Variants in MGST1 observed in about 807,000 individuals in gnomAD.
The protein encoded by MGST1 is glutathione S-transferase 12.
A neutral mutation model predicts 8.9 loss-of-function variants in MGST1; 5 were observed. The observed-to-expected ratio is 0.56, with a 90% CI of 0.29 to 1.19. The LOEUF is 1.19. Among genes scored for constraint, MGST1 ranks in the 50% most tolerant of loss-of-function variants. The pLI, the probability that MGST1 is intolerant of heterozygous loss-of-function variation, is 0.08. For synonymous variants in MGST1, 54 were observed against 67.8 expected (o/e 0.80, Z 1.00); for missense variants, 182 against 187.4 (o/e 0.97, Z 0.17).
intron 1 of MGST1, among the ~76,000 whole-genome samples, chr12:16,393,655 A>G (rs1263822836): frequency 2.0e-5 from 3 of 152,244 alleles, no homozygotes; most frequent in African/African-American, 7.2e-5. Flanking sequence ...TTGAGGAAAG[A>G]AAGTACACTG....
chr12:16,454,449 T>C (rs1240845273), intron 4 of MGST1, among the ~76,000 whole-genome samples: 1 of 151,878 alleles, frequency 6.6e-6, no homozygotes, highest in Non-Finnish European at 1.5e-5. Flanking sequence ...ATACTCTACT[T>C]ATACTATTTC....
intron 1 of MGST1, among the ~76,000 whole-genome samples, chr12:16,426,398 T>C (rs1940889434): frequency 6.6e-6 from 1 of 152,222 alleles, no homozygotes; most frequent in Admixed American, 6.5e-5. Flanking sequence ...ATTTTGATTC[T>C]TCCAGTTGAA....
At chr12:16,524,462 A>G (rs142915236) in intron 4 of MGST1, among the ~76,000 whole-genome samples, 23 of 152,176 alleles carry the variant, frequency 1.5e-4, no homozygotes, top group Non-Finnish European at 2.8e-4. Context: ...ATTGAGCTTA[A>G]CGATGCTGGA....
chr12:16,363,821 T>G lies in MGST1; in HGVS notation c.248T>G (p.Ile83Ser). The G allele has an allele frequency of 1.2e-6, 2 of 1,609,632 alleles. No individual in the cohort carries two copies. Among genetic ancestry groups the G allele is most frequent in the South Asian group, 2.2e-5 (2 of 90,888 alleles). ...RRAHLNDLENIIPFLGIGLLY... is the reference protein window; with the variant it reads ...RRAHLNDLENSIPFLGIGLLY... ...GCCCACCTGAATGACCTTGAAAATA[T>G]TATTCCATTTCTTGGAATTGGCCTC... is the stretch of plus-strand genomic sequence containing the variant. The change falls in exon 4 of 4, where the codon ATT becomes AGT. Residue 83 changes from isoleucine (I) to serine (S), a missense_variant. Physicochemically the swap from Ile to Ser is moderately radical, Grantham distance 142. Transcript: ENST00000396210. This position sits in a 1 kb window ranked among gnomAD's most constrained non-coding sequence, Gnocchi z 4.6.
intron 1 of MGST1, among the ~76,000 whole-genome samples, chr12:16,412,815 A>G (rs1374746118): frequency 6.6e-6 from 1 of 152,110 alleles, no homozygotes; most frequent in African/African-American, 2.4e-5. Context: ...CTTTTTCTTT[A>G]TAGATTACCC....
intron 4 of MGST1, among the ~76,000 whole-genome samples, chr12:16,484,980 T>C (rs990585771): frequency 6.6e-6 from 1 of 152,226 alleles, no homozygotes; most frequent in Admixed American, 6.5e-5. Context: ...TTCAATCCAC[T>C]CTAACCTGAA....
chr12:16,379,044 T>G (rs1565443538), downstream of MGST1, among the ~76,000 whole-genome samples: 1 of 152,122 alleles, frequency 6.6e-6, no homozygotes, highest in Non-Finnish European at 1.5e-5. Flanking sequence ...AAGGAAATTT[T>G]GGGCTGAGGC....
At chr12:16,510,926 G>T (rs2137178823) in intron 4 of MGST1, among the ~76,000 whole-genome samples, 1 of 152,186 alleles carries the variant, frequency 6.6e-6, no homozygotes, top group East Asian at 1.9e-4. Flanking sequence ...TTGTAATGGA[G>T]AATGCTGACA....
chr12:16,464,797 G>T (rs2137128528), intron 4 of MGST1, among the ~76,000 whole-genome samples: 1 of 152,278 alleles, frequency 6.6e-6, no homozygotes, highest in Non-Finnish European at 1.5e-5. Flanking sequence ...ATGCCCTAGG[G>T]CTTCATAGTC....
At chr12:16,404,339 T>A (rs141455704) in intron 1 of MGST1, among the ~76,000 whole-genome samples, 1 of 152,148 alleles carries the variant, frequency 6.6e-6, no homozygotes, top group African/African-American at 2.4e-5. Flanking sequence ...GTGTTAGATC[T>A]ATTTCTAATA....
chr12:16,525,098 T>C (rs1430698608), intron 4 of MGST1, among the ~76,000 whole-genome samples: 1 of 151,972 alleles, frequency 6.6e-6, no homozygotes, highest in African/African-American at 2.4e-5. Context: ...TAGAATAAAT[T>C]GGCCTTCTTT....
intron 4 of MGST1, among the ~76,000 whole-genome samples, chr12:16,562,168 C>T (rs1942430683): frequency 6.6e-6 from 1 of 152,096 alleles, no homozygotes; most frequent in Non-Finnish European, 1.5e-5. Flanking sequence ...AGCTTTCATC[C>T]TATTCATTTG....
intron 4 of MGST1, among the ~76,000 whole-genome samples, chr12:16,566,883 T>C (rs1942636151): frequency 1.3e-5 from 2 of 152,170 alleles, no homozygotes; most frequent in Admixed American, 6.6e-5. Flanking sequence ...TAAGTTAAAC[T>C]TACTAAGTGC....
chr12:16,529,430 A>G (rs550217728), intron 4 of MGST1, among the ~76,000 whole-genome samples: 2 of 152,240 alleles, frequency 1.3e-5, no homozygotes, highest in African/African-American at 2.4e-5. Context: ...AAGGCTGTCC[A>G]TGATTCTTGT....
Position 16,555,411 on chromosome 12 carries a change from T to C in MGST1, n.483-34117T>C, listed in dbSNP as rs981522011. On this transcript the variant is annotated intron_variant and non_coding_transcript_variant, in intron 4 of 4. Transcript: ENST00000538857. The surrounding 1 kb of genome is among the most constrained non-coding windows in gnomAD (Gnocchi z 5.5). ...TGAATGTGTAACTGGTTTGCCATTA[T>C]AGTCAGCAGTTCTGCGGTAAATGAC... Among the ~76,000 whole-genome samples the C allele has an allele frequency of 2.6e-5, 4 of 152,228 alleles. No individual in the cohort carries two copies. Among genetic ancestry groups the C allele is most frequent in the African/African-American group, 9.6e-5 (4 of 41,460 alleles).
chr12:16,570,012 A>G (rs1942759648), intron 4 of MGST1, among the ~76,000 whole-genome samples: 1 of 152,188 alleles, frequency 6.6e-6, no homozygotes, highest in African/African-American at 2.4e-5. Context: ...ACTATTTTAG[A>G]TATCGTGGGA....
In MGST1 at chr12:16,401,585, G is replaced by A. The variant is rs964407594; in HGVS notation, n.778+17981G>A. 4.8e-5 allele frequency: 67 copies of A among 1,396,812 alleles called. 1 individual carries two copies. Among genetic ancestry groups the A allele is most frequent in the African/African-American group, 2.3e-4 (16 of 70,574 alleles). The allele number at this position is 1,396,812 out of a possible 1,614,324, so 86.5% of individuals were successfully genotyped here. A position where few individuals can be genotyped will look rare whatever the true frequency, so the allele number is the denominator to read the frequency against. ...CGAACAGGTTGGAGCAATAAGACTC[G>A]AAGCGAATACCCATGGCACAAGTGA... is the stretch of plus-strand genomic sequence containing the variant. On this transcript the variant is annotated intron_variant and non_coding_transcript_variant, in intron 1 of 1. Transcript: ENST00000359720. This position sits in a 1 kb window ranked among gnomAD's most constrained non-coding sequence, Gnocchi z 4.3.
intron 4 of MGST1, among the ~76,000 whole-genome samples, chr12:16,445,353 T>C (rs1029776789): frequency 6.6e-6 from 1 of 151,886 alleles, no homozygotes; most frequent in African/African-American, 2.4e-5. Flanking sequence ...GCTGAGTTGA[T>C]AGACCCTTGA....
chr12:16,387,664 C>T (rs981400786), intron 1 of MGST1, among the ~76,000 whole-genome samples: 1 of 151,838 alleles, frequency 6.6e-6, no homozygotes, highest in Non-Finnish European at 1.5e-5. Context: ...GTAGCTGGGA[C>T]TACAGGCGCC....
Sources: gnomAD v4.1 joint callset for allele counts (sites outside exome capture counted in the v4.1 genomes callset) on GRCh38, gnomAD v4.1.1 for gene constraint, Gnocchi (gnomAD v3.1) non-coding constraint, MANE v1.5 for transcripts, NCBI Gene and HGNC (gene_info 2026-07-23, HGNC 2026-07-21) for gene names.